The following HERC2 variants were observed in gnomAD, a reference collection of about 807,000 sequenced individuals.
HERC2 encodes the protein E3 ubiquitin-protein ligase HERC2.
A neutral mutation model predicts 537.7 loss-of-function variants in HERC2; 102 were observed. That is an observed-to-expected ratio of 0.19 (90% CI 0.16 to 0.22). HERC2 has a LOEUF of 0.22. HERC2 is among the 10% of genes least tolerant of loss of function. HERC2 has a pLI of 1.00. For synonymous variants in HERC2, 2,224 were observed against 2,466.2 expected, an observed-to-expected ratio of 0.90 and a Z score of 2.91; for missense variants, 4,236 against 6,198.2, an observed-to-expected ratio of 0.68 and a Z score of 10.63.
intron 2 of HERC2, among the ~76,000 whole-genome samples, chr15:28,301,290 C>T (rs1461380048): frequency 6.6e-6 from 1 of 151,948 alleles, no homozygotes; most frequent in Non-Finnish European, 1.5e-5. Flanking sequence ...TGGCAGGCGC[C>T]CATAATCCCA....
At chr15:28,275,975 T>C (rs1247718209) in intron 5 of HERC2, among the ~76,000 whole-genome samples, 1 of 151,736 alleles carries the variant, frequency 6.6e-6, no homozygotes, top group Admixed American at 6.6e-5. Flanking sequence ...AAACAGGTGA[T>C]ACAGAGTTCA....
chr15:28,186,545 G>C (rs769220682), intron 56 of HERC2, 32 bp downstream of exon 56: 1 of 1,580,442 alleles, frequency 6.3e-7, no homozygotes, highest in South Asian at 1.1e-5. Context: ...GTAGCGGGAG[G>C]TAAGTGAGCA....
chr15:28,185,406 G>C (rs73362615), intron 56 of HERC2, among the ~76,000 whole-genome samples: 11,682 of 152,158 alleles, frequency 0.077, 1,546 homozygotes, highest in African/African-American at 0.27. Flanking sequence ...AAAGCGCCTT[G>C]GGAATGTTAA....
intron 70 of HERC2, among the ~76,000 whole-genome samples, chr15:28,149,913 G>C (rs1892236850): frequency 6.9e-6 from 1 of 144,730 alleles, no homozygotes; most frequent in Admixed American, 7.0e-5. Context: ...GCATCACCAA[G>C]AACAGCCACA....
At chr15:28,114,068 C>T (rs184614465) in intron 90 of HERC2, among the ~76,000 whole-genome samples, 2 of 152,332 alleles carry the variant, frequency 1.3e-5, no homozygotes, top group African/African-American at 4.8e-5. Flanking sequence ...GGACACCTGC[C>T]AGGACTACCC....
chr15:28,269,262 T>C lies in HERC2; in HGVS notation c.1432A>G (p.Asn478Asp). 6.2e-7 allele frequency: 1 copy of C among 1,613,666 alleles called. No individual in the cohort carries two copies. Among genetic ancestry groups the C allele is most frequent in the South Asian group, 1.1e-5 (1 of 90,920 alleles). ...RNGRVYTQAY[N>D]SDTLAPQLVQ... is the part of the protein sequence containing the mutation. ...AGAACACTCACCAGCGTGTCACTAT[T>C]ATAGGCCTGTGTGTACACGCGGCCA... Residue 478 changes from asparagine to aspartate, a missense_variant, in exon 11 of 93, where the codon AAT (asparagine) becomes GAT (aspartate). Transcript: ENST00000261609.
At chr15:28,304,366 C>CT (rs567606595) in intron 2 of HERC2, among the ~76,000 whole-genome samples, 3,421 of 137,298 alleles carry the variant, frequency 0.025, 73 homozygotes, top group African/African-American at 0.074. Flanking sequence ...TTTATTTCTT[C>CT]TTTTTTTTTT....
chr15:28,155,684 T>A (rs1298884440), intron 69 of HERC2, among the ~76,000 whole-genome samples: 1 of 152,040 alleles, frequency 6.6e-6, no homozygotes, highest in Non-Finnish European at 1.5e-5. Context: ...ATGAGTAGAT[T>A]GCAAAAATTT....
intron 57 of HERC2, among the ~76,000 whole-genome samples, chr15:28,181,482 A>T (rs1212521278): frequency 6.6e-6 from 1 of 152,250 alleles, no homozygotes; most frequent in Non-Finnish European, 1.5e-5. Context: ...AAGAGTTCAA[A>T]TGAATGAGTT....
At chr15:28,316,131 G>A (rs2077076151) in intron 2 of HERC2, 3 of 296,698 alleles carry the variant, frequency 1.0e-5, no homozygotes, top group Non-Finnish European at 1.3e-5. Flanking sequence ...GCTGAGGCAT[G>A]AGAATGGCTT....
chr15:28,156,733 T>C (rs537677748), intron 69 of HERC2, among the ~76,000 whole-genome samples: 1 of 152,338 alleles, frequency 6.6e-6, no homozygotes, highest in African/African-American at 2.4e-5. Flanking sequence ...TCTAATTGAA[T>C]ACCCTTTATT....
intron 4 of HERC2, among the ~76,000 whole-genome samples, chr15:28,283,032 CAAAAAAAAAAA>C (rs35092122): frequency 1.5e-4 from 7 of 47,432 alleles, no homozygotes; most frequent in East Asian, 7.5e-4. Context: ...AATGTCCCAG[CAAAAAAAAAAA>C]AAAAAAAAAA....
intron 64 of HERC2, 92 bp downstream of exon 64, chr15:28,175,420 G>A: frequency 8.1e-7 from 1 of 1,227,116 alleles, no homozygotes; most frequent in East Asian, 2.5e-5. Flanking sequence ...TTCATCAACA[G>A]CTGTGATTTC....
At chr15:28,112,084 T>C (rs4778245) in intron 92 of HERC2, 49 bp from the exon 93 acceptor site, 1,556,641 of 1,584,028 alleles carry the variant, frequency 0.98, 765,986 homozygotes, top group Non-Finnish European at 1. Context: ...CGGCTGCAGT[T>C]TACTTTACTG....
chr15:28,198,512 G>T lies in HERC2; in HGVS notation c.7886-9C>A, dbSNP rs8041209. Reference sequence around the variant, plus strand: ...ACTTGGTGGAGGATAGCCTACAGATGTCAATAACAAATCATTATAATCAAT... The same window carrying T: ...ACTTGGTGGAGGATAGCCTACAGATTTCAATAACAAATCATTATAATCAAT... On this transcript the variant is annotated splice_polypyrimidine_tract_variant and intron_variant, in intron 49 of 92. Coordinates refer to ENST00000261609, the MANE Select transcript of HERC2 (RefSeq NM_004667.6). 162,820 of 1,612,550 alleles carry T rather than the reference G, an allele frequency of 0.1. 21,469 individuals carry two copies. Among genetic ancestry groups the T allele is most frequent in the African/African-American group, 0.54 (40,355 of 74,774 alleles).
chr15:28,142,680 T>C lies in HERC2; in HGVS notation c.11544+147A>G, dbSNP rs534034988. On this transcript the variant is annotated intron_variant, in intron 75 of 92. Coordinates refer to ENST00000261609, the MANE Select transcript of HERC2 (RefSeq NM_004667.6). The stretch of plus-strand genomic sequence containing the variant: ...TTTAAGGGTTTAGATTACACGATCA[T>C]TTCTTGAGATTTTTTCATATTTGAC... 2.3e-5 allele frequency: 17 copies of C among 743,774 alleles called. No homozygotes were observed. In the East Asian group the frequency reaches 4.0e-4, roughly 18 times the overall value. The allele number at this position is 743,774 out of a possible 1,614,324, so 46.1% of individuals were successfully genotyped here.
chr15:28,302,835 G>C, intron 2 of HERC2, among the ~76,000 whole-genome samples: 1 of 151,850 alleles, frequency 6.6e-6, no homozygotes, highest in Non-Finnish European at 1.5e-5. Flanking sequence ...CAAATCTTTT[G>C]CCCATTCTTA....
chr15:28,314,469 G>A (rs1405607639), intron 2 of HERC2, among the ~76,000 whole-genome samples: 1 of 152,028 alleles, frequency 6.6e-6, no homozygotes, highest in Non-Finnish European at 1.5e-5. Context: ...TGCCTATGTA[G>A]GAGCCATTCT....
rs1248330763 is a variant in HERC2 at position 28,257,102 on chromosome 15, C to G, written c.2476G>C (p.Glu826Gln). 6.2e-7 allele frequency: 1 copy of G among 1,613,924 alleles called. No individual in the cohort carries two copies. Among genetic ancestry groups the G allele is most frequent in the Non-Finnish European group, 8.5e-7 (1 of 1,179,836 alleles). ...TTCAGCGTTGCCACGGCCACACACTCTTTCTCCTGGGGCGGGGGCCAGTCC... is the reference window on the plus strand; with the variant it reads ...TTCAGCGTTGCCACGGCCACACACTGTTTCTCCTGGGGCGGGGGCCAGTCC... ...SADWPPPQEKECVAVATLNLL... is the reference protein window; with the variant it reads ...SADWPPPQEKQCVAVATLNLL... Residue 826 changes from glutamate to glutamine, a missense_variant, in exon 17 of 93, where the codon GAG (glutamate) becomes CAG (glutamine). By Grantham distance (29) the Glu-to-Gln change is conservative. Around this residue, in one of 27 missense-constraint regions of HERC2, gnomAD observed 754 missense variants for 1,085.0 expected, o/e 0.69. Coordinates refer to ENST00000261609, the MANE Select transcript of HERC2 (RefSeq NM_004667.6).
Sources: gnomAD v4.1 joint callset for allele counts (sites outside exome capture counted in the v4.1 genomes callset) on GRCh38, gnomAD v4.1.1 for gene constraint, gnomAD v4.1.1 regional missense constraint, MANE v1.5 for transcripts, NCBI Gene and HGNC (gene_info 2026-07-23, HGNC 2026-07-21) for gene names.